The following RYK variants were observed in gnomAD, a reference collection of about 807,000 sequenced individuals.
RYK encodes receptor like tyrosine kinase.
RYK carries 21 observed loss-of-function variants against 70.2 expected under a neutral mutation model. The observed-to-expected ratio is 0.30, with a 90% CI of 0.21 to 0.43. RYK has a LOEUF of 0.43. Among genes scored for constraint, RYK ranks in the 20% least tolerant of loss-of-function variants. RYK has a pLI of 1.00. For synonymous variants in RYK, 267 were observed against 278.0 expected, an observed-to-expected ratio of 0.96 and a Z score of 0.39; for missense variants, 604 against 753.3, an observed-to-expected ratio of 0.80 and a Z score of 2.32.
At chr3:134,183,533 C>T (rs2013367224) in intron 9 of RYK, 1 of 152,162 alleles carries the variant, frequency 6.6e-6, no homozygotes, top group Non-Finnish European at 1.5e-5. Context: ...TGCCATTTCC[C>T]CTGTCAAATT....
intron 1 of RYK, among the ~76,000 whole-genome samples, chr3:134,238,042 A>T (rs1356092049): frequency 1.3e-5 from 2 of 152,234 alleles, no homozygotes; most frequent in African/African-American, 4.8e-5. Context: ...TATGGAAAGT[A>T]ACAAGCTGAA....
At chr3:134,207,417 C>G in intron 5 of RYK, 55 bp downstream of exon 5, 2 of 1,105,372 alleles carry the variant, frequency 1.8e-6, no homozygotes, top group Non-Finnish European at 2.6e-6. Context: ...TGTTTATATG[C>G]AGTCAACCAT....
intron 1 of RYK, among the ~76,000 whole-genome samples, chr3:134,247,310 G>A (rs113870788): frequency 8.4e-4 from 128 of 152,236 alleles, no homozygotes; most frequent in African/African-American, 2.9e-3. Flanking sequence ...TAAAAAAAGA[G>A]GAAGAAAAAA....
At chr3:134,182,801 A>G (rs1303038784) in intron 10 of RYK, among the ~76,000 whole-genome samples, 1 of 152,190 alleles carries the variant, frequency 6.6e-6, no homozygotes, top group Non-Finnish European at 1.5e-5. Flanking sequence ...CTTACATACT[A>G]TTCTTTGTTT....
At chr3:134,200,800 G>A (rs1000803689) in intron 6 of RYK, among the ~76,000 whole-genome samples, 5 of 152,162 alleles carry the variant, frequency 3.3e-5, no homozygotes, top group Admixed American at 1.3e-4. Flanking sequence ...TCTAGAGTCC[G>A]TACTCTTGAC....
Position 134,159,388 on chromosome 3 carries a change from G to T in RYK, c.1576-15C>A, listed in dbSNP as rs756689537. The T allele has an allele frequency of 6.3e-7, 1 of 1,579,638 alleles. No homozygotes were observed. The highest frequency in any genetic ancestry group is 8.6e-7 in the Non-Finnish European group (1 of 1,162,312). On this transcript the variant is annotated splice_polypyrimidine_tract_variant and intron_variant, in intron 13 of 14. Transcript: ENST00000623711. Reference sequence around the variant, plus strand: ...CCAAAGGCCCACTAGTAAAGGAGCAGAAGCACAATGAGGGGACATTTAAAA... The same window carrying T: ...CCAAAGGCCCACTAGTAAAGGAGCATAAGCACAATGAGGGGACATTTAAAA...
At chr3:134,214,509 GAC>G (rs2107681152) in intron 2 of RYK, among the ~76,000 whole-genome samples, 1 of 152,164 alleles carries the variant, frequency 6.6e-6, no homozygotes, top group South Asian at 2.1e-4. Flanking sequence ...CAACATTACT[GAC>G]AGTCATATTG....
At chr3:134,174,763 A>G (rs2013038282) in intron 13 of RYK, among the ~76,000 whole-genome samples, 1 of 152,176 alleles carries the variant, frequency 6.6e-6, no homozygotes, top group African/African-American at 2.4e-5. Flanking sequence ...GGCTTCTGAA[A>G]CTGTACATCA....
In RYK at chr3:134,227,835, A is replaced by C. The variant is rs548673172; in HGVS notation, c.233-5296T>G. On this transcript the variant is annotated intron_variant, in intron 1 of 14. Coordinates refer to ENST00000623711, the MANE Select transcript of RYK (RefSeq NM_002958.4). ...CAGGTGCCTGCCACCATGCCCAGCTAATTTTGTTTTTGTATTTTTAGTAGA... is the reference window on the plus strand; with the variant it reads ...CAGGTGCCTGCCACCATGCCCAGCTCATTTTGTTTTTGTATTTTTAGTAGA... 2.8e-3 allele frequency among the ~76,000 whole-genome samples: 419 copies of C among 152,154 alleles called. 3 individuals carry two copies. Among genetic ancestry groups the C allele is most frequent in the Non-Finnish European group, 3.6e-3 (244 of 67,998 alleles).
Position 134,229,379 on chromosome 3 carries a change from G to GAA in RYK, c.233-6841_233-6840insTT, listed in dbSNP as rs753782991. The stretch of plus-strand genomic sequence containing the variant: ...TCTCTCCCTTGCTCTCCTTTGGGCT[G>GAA]GAAAAAAAAAAAAAAAAAACGTAGG... On this transcript the variant is annotated intron_variant, in intron 1 of 14. Coordinates refer to ENST00000623711, the MANE Select transcript of RYK (RefSeq NM_002958.4). Among the ~76,000 whole-genome samples, 79 of 61,382 alleles carry GAA rather than the reference G, an allele frequency of 1.3e-3. 8 individuals are homozygous for GAA. The highest frequency in any genetic ancestry group is 6.5e-3 in the South Asian group (12 of 1,850). 40.3% of individuals were successfully genotyped at this position (61,382 alleles called of 152,430 possible).
At chr3:134,215,147 GAGA>G (rs1421765050) in intron 2 of RYK, among the ~76,000 whole-genome samples, 4 of 152,178 alleles carry the variant, frequency 2.6e-5, no homozygotes, top group Non-Finnish European at 5.9e-5. Context: ...ATCACAAGGA[GAGA>G]AGGAGCAGAC....
intron 5 of RYK, among the ~76,000 whole-genome samples, chr3:134,206,764 A>G (rs1038090187): frequency 1.3e-5 from 2 of 152,172 alleles, no homozygotes; most frequent in East Asian, 3.9e-4. Flanking sequence ...AAAGGAGGGA[A>G]TCAATGGAAG....
chr3:134,194,265 T>C (rs560372726), intron 7 of RYK, among the ~76,000 whole-genome samples: 1 of 152,230 alleles, frequency 6.6e-6, no homozygotes, highest in Non-Finnish European at 1.5e-5. Context: ...TAGTCACCTC[T>C]CATAATGAAC....
chr3:134,219,253 G>A (rs770695199), intron 2 of RYK, among the ~76,000 whole-genome samples: 3 of 152,180 alleles, frequency 2.0e-5, no homozygotes, highest in Admixed American at 6.5e-5. Flanking sequence ...ACTTCCCCCT[G>A]TAACAGGCTC....
intron 3 of RYK, among the ~76,000 whole-genome samples, chr3:134,210,935 T>G (rs1319725243): frequency 6.6e-6 from 1 of 150,850 alleles, no homozygotes; most frequent in Non-Finnish European, 1.5e-5. Flanking sequence ...TAGAAAGGAG[T>G]TCACGAGCAG....
At chr3:134,197,005 T>C (rs1009209712) in intron 6 of RYK, among the ~76,000 whole-genome samples, 17 of 152,302 alleles carry the variant, frequency 1.1e-4, no homozygotes, top group African/African-American at 2.9e-4. Context: ...GCAAAAGTAA[T>C]TGCAAATTGC....
chr3:134,192,072 G>A, intron 7 of RYK, 98 bp from the exon 8 acceptor site: 1 of 1,168,256 alleles, frequency 8.6e-7, no homozygotes, highest in Non-Finnish European at 1.2e-6. Flanking sequence ...CAGGTCACAG[G>A]AATGAGTGTA....
At chr3:134,215,875 TA>T (rs1000742627) in intron 2 of RYK, among the ~76,000 whole-genome samples, 51 of 151,838 alleles carry the variant, frequency 3.4e-4, no homozygotes, top group Admixed American at 1.8e-3. Context: ...CCGTCTCTAC[TA>T]AAAATACAAA....
At chr3:134,245,749 C>A (rs1159824610) in intron 1 of RYK, among the ~76,000 whole-genome samples, 1 of 152,152 alleles carries the variant, frequency 6.6e-6, no homozygotes, top group East Asian at 1.9e-4. Flanking sequence ...GCTGGCATAT[C>A]ACCAAGCATA....
Sources: gnomAD v4.1 joint callset for allele counts (sites outside exome capture counted in the v4.1 genomes callset) on GRCh38, gnomAD v4.1.1 for gene constraint, MANE v1.5 for transcripts, NCBI Gene and HGNC (gene_info 2026-07-23, HGNC 2026-07-21) for gene names.